PITPNM3: variants seen among roughly 807,000 people sequenced by gnomAD.
The protein encoded by PITPNM3 is PITPNM family member 3.
Under a neutral mutation model 102.0 loss-of-function variants are expected in PITPNM3, and 26 were observed. The ratio of observed to expected loss-of-function variants is 0.25; its 90% CI spans 0.19 to 0.35. The LOEUF (loss-of-function observed/expected upper bound fraction) is 0.35. Among genes scored for constraint, PITPNM3 ranks in the 10% least tolerant of loss-of-function variants. The probability of loss-of-function intolerance (pLI) is 1.00; values close to 1 mark genes in which losing one functional copy is unlikely to be tolerated. For missense variants in PITPNM3, 1,083 were observed against 1,346.1 expected (o/e 0.80, Z 3.06); for synonymous variants, 578 against 558.6 (o/e 1.03, Z -0.49).
Position 6,453,913 on chromosome 17 carries a change from C to G in PITPNM3, c.*1425G>C, listed in dbSNP as rs1046949205. On this transcript the variant is annotated 3_prime_UTR_variant, in exon 20 of 20. Transcript: ENST00000262483. ...CAGGTGTGGGCCTGGGCCAGGGAGT[C>G]GGGGTTTTCCAGGATGCAGGAAAGC... 6.6e-6 allele frequency: 1 copy of G among 152,454 alleles called. No homozygotes were observed. The highest frequency in any genetic ancestry group is 2.4e-5 in the African/African-American group (1 of 41,452). The allele number at this position is 152,454 out of a possible 1,614,324, so 9.4% of individuals were successfully genotyped here.
At chr17:6,529,789 A>G (rs1360877364) in intron 2 of PITPNM3, among the ~76,000 whole-genome samples, 1 of 152,188 alleles carries the variant, frequency 6.6e-6, no homozygotes, top group Non-Finnish European at 1.5e-5. Context: ...TTCACCTTGC[A>G]CTGCCTACCA....
chr17:6,455,564 C>G lies in PITPNM3; in HGVS notation c.2699G>C (p.Arg900Pro). The G allele has an allele frequency of 6.2e-7, 1 of 1,601,826 alleles. No homozygotes were observed. The highest frequency in any genetic ancestry group is 8.5e-7 in the Non-Finnish European group (1 of 1,179,270). ...GAAGCTGCCCTTGCGCAGGATCATG[C>G]GCGAGTTGTTCTTCTTTGGGCGTGA... Reference protein sequence around the residue: ...HRSRPKKNNSRMILRKGSFGL... With the variant: ...HRSRPKKNNSPMILRKGSFGL... The change falls in exon 20 of 20, where the codon CGC becomes CCC. Residue 900 changes from arginine to proline, a missense_variant. By Grantham distance (103) the Arg-to-Pro change is moderately radical. Transcript: ENST00000262483.
At chr17:6,543,905 C>T (rs1468971185) in intron 1 of PITPNM3, among the ~76,000 whole-genome samples, 1 of 152,178 alleles carries the variant, frequency 6.6e-6, no homozygotes, top group African/African-American at 2.4e-5. Context: ...AAGGGAGAGA[C>T]ACAGGCCAAA....
chr17:6,481,853 T>TAGAGAGAGAGAGAG (rs369845541), intron 6 of PITPNM3: 37 of 68,514 alleles, frequency 5.4e-4, no homozygotes, highest in African/African-American at 1.3e-3. Context: ...AATAGAATGA[T>TAGAGAGAGAGAGAG]AGAGAGAGAG....
Position 6,455,525 on chromosome 17 carries a change from TGCGCGTGCA to T in PITPNM3, c.2729_2737del (p.Leu910_Ala912del). 6.2e-7 allele frequency: 1 copy of T among 1,605,358 alleles called. No individual in the cohort carries two copies. The highest frequency in any genetic ancestry group is 8.5e-7 in the Non-Finnish European group (1 of 1,179,564). On this transcript the variant is annotated inframe_deletion, in exon 20 of 20. Coordinates refer to ENST00000262483, the MANE Select transcript of PITPNM3 (RefSeq NM_031220.4). Reference sequence around the variant, plus strand: ...GTTGCGCTTCCGCAGGAACTCTGGCTGCGCGTGCAGCCCGAAGCTGCCCTTGCGCAGGAT... The same window carrying T: ...GTTGCGCTTCCGCAGGAACTCTGGCTGCCCGAAGCTGCCCTTGCGCAGGAT...
chr17:6,451,928 G>A lies in PITPNM3; in HGVS notation c.*3410C>T, dbSNP rs998318184. ...GGTGGGAAAGTTGGTTGTTTAAGGC[G>A]GGGTCAGGGCACCCCTCCCGGGGCT... On this transcript the variant is annotated 3_prime_UTR_variant, in exon 20 of 20. Coordinates refer to ENST00000262483, the MANE Select transcript of PITPNM3 (RefSeq NM_031220.4). 6.7e-6 allele frequency: 1 copy of A among 148,512 alleles called. No homozygotes were observed. Among genetic ancestry groups the A allele is most frequent in the East Asian group, 2.0e-4 (1 of 5,028 alleles). The allele number at this position is 148,512 out of a possible 1,614,324, so 9.2% of individuals were successfully genotyped here.
Position 6,453,414 on chromosome 17 carries a change from T to C in PITPNM3, c.*1924A>G, listed in dbSNP as rs1485922682. 6.6e-6 allele frequency: 1 copy of C among 152,296 alleles called. No individual in the cohort carries two copies. The highest frequency in any genetic ancestry group is 6.5e-5 in the Admixed American group (1 of 15,268). The allele number at this position is 152,296 out of a possible 1,614,324, so 9.4% of individuals were successfully genotyped here. On this transcript the variant is annotated 3_prime_UTR_variant, in exon 20 of 20. Coordinates refer to ENST00000262483, the MANE Select transcript of PITPNM3 (RefSeq NM_031220.4). The stretch of plus-strand genomic sequence containing the variant: ...TGGAAAGCCAAGAACTGTGAAATGT[T>C]AAAGGGGGGATGGGCACCTGTGAAC...
chr17:6,523,811 C>A (rs764464977), intron 3 of PITPNM3, among the ~76,000 whole-genome samples: 2 of 152,214 alleles, frequency 1.3e-5, no homozygotes, highest in East Asian at 1.9e-4. Context: ...CAGAGCCCCC[C>A]CTTCTCGTGG....
chr17:6,556,259 C>T lies in PITPNM3; in HGVS notation c.22+126G>A. ...GCGGGAGGTCCAGCCCCGCTACCGC[C>T]CCCTACGCCCTCCCGGGACCTCCGC... On this transcript the variant is annotated intron_variant, in intron 1 of 19. Transcript: ENST00000262483. This position sits in a 1 kb window ranked among gnomAD's most constrained non-coding sequence, Gnocchi z 5.2. 1.4e-6 allele frequency: 1 copy of T among 724,526 alleles called. No individual in the cohort carries two copies. Among genetic ancestry groups the T allele is most frequent in the African/African-American group, 1.9e-5 (1 of 52,660 alleles). The allele number at this position is 724,526 out of a possible 1,614,324, so 44.9% of individuals were successfully genotyped here.
intron 4 of PITPNM3, among the ~76,000 whole-genome samples, chr17:6,498,516 GA>G (rs1378051136): frequency 2.0e-5 from 3 of 152,260 alleles, no homozygotes; most frequent in African/African-American, 7.2e-5. Context: ...GGGAGGATCA[GA>G]GTGGGTGAGA....
rs1307586128 is a variant in PITPNM3 at position 6,451,298 on chromosome 17, T to C, written c.*4040A>G. On this transcript the variant is annotated 3_prime_UTR_variant, in exon 20 of 20. Transcript: ENST00000262483. ...GAAGGTTTTTATTTAAGTGACAACA[T>C]TTGAGAGCTAAAAACCAGCTCACAT... 6.6e-6 allele frequency: 1 copy of C among 152,224 alleles called. No individual in the cohort carries two copies. The highest frequency in any genetic ancestry group is 2.1e-4 in the South Asian group (1 of 4,828). The allele number at this position is 152,224 out of a possible 1,614,324, so 9.4% of individuals were successfully genotyped here.
intron 9 of PITPNM3, among the ~76,000 whole-genome samples, chr17:6,474,920 T>C (rs1212874663): frequency 6.6e-6 from 1 of 152,186 alleles, no homozygotes; most frequent in African/African-American, 2.4e-5. Flanking sequence ...AAAGCGCCCA[T>C]GGACAGTGAT....
rs756243486 is a variant in PITPNM3, at chr17:6,461,359, G to C, written c.2490+14C>G. 2.5e-6 allele frequency: 4 copies of C among 1,613,528 alleles called. No individual in the cohort carries two copies. Among genetic ancestry groups the C allele is most frequent in the Non-Finnish European group, 3.4e-6 (4 of 1,179,776 alleles). ...CTCAAGCCATGGAGTCCCCACCCCA[G>C]GATGGCCACTCACCTCCTGCATGAG... On this transcript the variant is annotated intron_variant, in intron 18 of 19. Coordinates refer to ENST00000262483, the MANE Select transcript of PITPNM3 (RefSeq NM_031220.4).
chr17:6,544,654 T>TCACACACACACACACACACA (rs754945876), intron 1 of PITPNM3, among the ~76,000 whole-genome samples: 1 of 130,206 alleles, frequency 7.7e-6, no homozygotes, highest in African/African-American at 3.1e-5. Flanking sequence ...TCTCTCTCTC[T>TCACACACACACACACACACA]CACACACACA....
At chr17:6,515,961 G>A (rs1001297650) in intron 3 of PITPNM3, among the ~76,000 whole-genome samples, 5 of 152,232 alleles carry the variant, frequency 3.3e-5, no homozygotes, top group Non-Finnish European at 5.9e-5. Context: ...CCGGAGGATC[G>A]CTTGAGCCTA....
intron 3 of PITPNM3, 21 bp downstream of exon 3, chr17:6,525,335 A>T: frequency 1.2e-6 from 2 of 1,606,958 alleles, no homozygotes; most frequent in Non-Finnish European, 1.7e-6. Flanking sequence ...CATCCTGGTC[A>T]TGAGAGAAGC....
chr17:6,530,032 G>A (rs993904530), intron 2 of PITPNM3, among the ~76,000 whole-genome samples: 1 of 152,156 alleles, frequency 6.6e-6, no homozygotes, highest in Non-Finnish European at 1.5e-5. Flanking sequence ...AGCTTCCCAC[G>A]GTGACATCCT....
At chr17:6,513,210 TAA>T (rs1907970824) in intron 3 of PITPNM3, among the ~76,000 whole-genome samples, 1 of 152,122 alleles carries the variant, frequency 6.6e-6, no homozygotes, top group South Asian at 2.1e-4. Flanking sequence ...TATTTAATGG[TAA>T]AAGACTGAAA....
At chr17:6,485,187 T>C (rs1212040874) in intron 4 of PITPNM3, among the ~76,000 whole-genome samples, 1 of 151,378 alleles carries the variant, frequency 6.6e-6, no homozygotes, top group African/African-American at 2.4e-5. Context: ...TGATGGAGTT[T>C]CACTCTTGTT....
Sources: gnomAD v4.1 joint callset for allele counts (sites outside exome capture counted in the v4.1 genomes callset) on GRCh38, gnomAD v4.1.1 for gene constraint, Gnocchi (gnomAD v3.1) non-coding constraint, MANE v1.5 for transcripts, NCBI Gene and HGNC (gene_info 2026-07-23, HGNC 2026-07-21) for gene names.